CDADC1: variants seen among roughly 807,000 people sequenced by gnomAD.
The protein encoded by CDADC1 is dCTP deaminase.
Under a neutral mutation model 54.9 loss-of-function variants are expected in CDADC1, and 39 were observed. The ratio of observed to expected loss-of-function variants is 0.71; its 90% CI spans 0.55 to 0.93. CDADC1 has a LOEUF of 0.93. Among genes scored for constraint, CDADC1 ranks in the 40% least tolerant of loss-of-function variants. The pLI, the probability that CDADC1 is intolerant of heterozygous loss-of-function variation, is 0.00. For synonymous variants in CDADC1, 186 were observed against 204.0 expected (o/e 0.91, Z 0.75); for missense variants, 518 against 618.8 (o/e 0.84, Z 1.73).
rs1054886480 is a variant in CDADC1, at chr13:49,265,841, A to G, written c.431-1649A>G. ...TTTAGCATTTGCCACTAATACACAA[A>G]TGTCTGTCTAAAGAGGATTTTTCCC... On this transcript the variant is annotated intron_variant, in intron 4 of 9. Transcript: ENST00000251108. 3 of 1,293,926 alleles carry G rather than the reference A, an allele frequency of 2.3e-6. No individual in the cohort carries two copies. In the East Asian group the frequency reaches 1.7e-4, roughly 73 times the overall value. The allele number at this position is 1,293,926 out of a possible 1,614,324, so 80.2% of individuals were successfully genotyped here.
intron 8 of CDADC1, among the ~76,000 whole-genome samples, chr13:49,284,271 G>A (rs1953442406): frequency 6.6e-6 from 1 of 152,046 alleles, no homozygotes; most frequent in Non-Finnish European, 1.5e-5. Context: ...GCTCATTGTA[G>A]AAGACTAGGA....
intron 6 of CDADC1, among the ~76,000 whole-genome samples, chr13:49,276,095 TAA>T (rs1315319866): frequency 6.6e-6 from 1 of 152,184 alleles, no homozygotes; most frequent in African/African-American, 2.4e-5. Flanking sequence ...GGAAGACAGA[TAA>T]ATTAATTTTA....
intron 2 of CDADC1, among the ~76,000 whole-genome samples, chr13:49,255,209 T>G (rs887272034): frequency 2.0e-5 from 3 of 152,212 alleles, no homozygotes; most frequent in Non-Finnish European, 2.9e-5. Context: ...GTCAGGTCTT[T>G]CATGTTGCAT....
At chr13:49,261,465 C>T (rs1263468442) in intron 4 of CDADC1, among the ~76,000 whole-genome samples, 2 of 152,200 alleles carry the variant, frequency 1.3e-5, no homozygotes, top group African/African-American at 4.8e-5. Context: ...AACTGACCTA[C>T]AGTTCCTGTT....
rs117029779 is a variant in CDADC1 at position 49,270,686 on chromosome 13, C to T, written c.1000+2627C>T. On this transcript the variant is annotated intron_variant, in intron 5 of 9. Coordinates refer to ENST00000251108, the MANE Select transcript of CDADC1 (RefSeq NM_030911.4). ...TAACTCAATTTGGGTCAGATTTGGC[C>T]GCAAAATAAGTGCATCAAACTTCAA... Among the ~76,000 whole-genome samples, 1,169 of 152,132 alleles carry T rather than the reference C, an allele frequency of 7.7e-3. 10 individuals carry two copies. Among genetic ancestry groups the T allele is most frequent in the Non-Finnish European group, 0.01 (699 of 68,006 alleles).
chr13:49,255,851 G>A lies in CDADC1; in HGVS notation c.190G>A (p.Gly64Arg). ...TGATTTTTATTAGAAAAATGAAGAG[G>A]GAAAGCATGGACCCTTAGGAGATAA... ...QRQKSQKNEE[G>R]KHGPLGDNEE... Residue 64 changes from glycine (G) to arginine (R), a missense_variant, in exon 3 of 10, where the codon GGA becomes AGA. Coordinates refer to ENST00000251108, the MANE Select transcript of CDADC1 (RefSeq NM_030911.4). 3 of 1,610,466 alleles carry A rather than the reference G, an allele frequency of 1.9e-6. No individual in the cohort carries two copies. The highest frequency in any genetic ancestry group is 2.2e-5 in the East Asian group (1 of 44,728).
At chr13:49,279,366 G>A (rs1474247945) in intron 7 of CDADC1, among the ~76,000 whole-genome samples, 1 of 152,176 alleles carries the variant, frequency 6.6e-6, no homozygotes, top group African/African-American at 2.4e-5. Flanking sequence ...CATCTGAACT[G>A]AGCTTTAAAG....
At chr13:49,252,410 T>A (rs1490180836) in intron 2 of CDADC1, among the ~76,000 whole-genome samples, 1 of 152,242 alleles carries the variant, frequency 6.6e-6, no homozygotes, top group East Asian at 1.9e-4. Context: ...ATTGTTTATA[T>A]GAGAAAAATG....
intron 2 of CDADC1, among the ~76,000 whole-genome samples, chr13:49,250,179 A>G (rs1020366307): frequency 3.3e-5 from 5 of 152,174 alleles, no homozygotes; most frequent in Non-Finnish European, 5.9e-5. Context: ...GAGGTTTCCA[A>G]CTTGCCCATA....
chr13:49,290,583 C>T (rs1206298140), intron 9 of CDADC1, among the ~76,000 whole-genome samples: 2 of 152,034 alleles, frequency 1.3e-5, no homozygotes, highest in East Asian at 1.9e-4. Flanking sequence ...GCAGGAAATC[C>T]CTCAAAAGAT....
intron 4 of CDADC1, among the ~76,000 whole-genome samples, chr13:49,263,833 C>T (rs1033615806): frequency 2.0e-5 from 3 of 152,230 alleles, no homozygotes; most frequent in African/African-American, 7.2e-5. Flanking sequence ...CACATCTATT[C>T]ACTGCTTACA....
intron 2 of CDADC1, among the ~76,000 whole-genome samples, chr13:49,254,848 A>C (rs1952508622): frequency 6.6e-6 from 1 of 152,200 alleles, no homozygotes; most frequent in Non-Finnish European, 1.5e-5. Flanking sequence ...GCAAGGGTTC[A>C]ATAAGTATTT....
intron 7 of CDADC1, 59 bp from the exon 8 acceptor site, chr13:49,280,450 A>T: frequency 1.1e-6 from 1 of 875,708 alleles, no homozygotes; most frequent in Non-Finnish European, 1.6e-6. Context: ...AGATTTTTCT[A>T]AAAAATAACT....
At position 49,291,897 on chromosome 13, in the gene CDADC1, A is replaced by C; in HGVS notation, c.*140A>C. On this transcript the variant is annotated 3_prime_UTR_variant, in exon 10 of 10. Transcript: ENST00000251108. The stretch of plus-strand genomic sequence containing the variant: ...TTAAGGAAGCTAATTTATTTCTAGG[A>C]TACAAATGGTGTTAATAAGAATATT... The C allele has an allele frequency of 1.4e-6, 2 of 1,426,066 alleles. No individual in the cohort carries two copies. Among genetic ancestry groups the C allele is most frequent in the Non-Finnish European group, 1.8e-6 (2 of 1,088,254 alleles). 88.3% of individuals were successfully genotyped at this position (1,426,066 alleles called of 1,614,324 possible). A position where few individuals can be genotyped will look rare whatever the true frequency, so the allele number is the denominator to read the frequency against.
At chr13:49,257,079 A>G (rs1952564055) in intron 3 of CDADC1, among the ~76,000 whole-genome samples, 2 of 152,232 alleles carry the variant, frequency 1.3e-5, no homozygotes, top group African/African-American at 4.8e-5. Context: ...GGTAAATGGA[A>G]GTGCCAAAAT....
At chr13:49,256,035 A>C in intron 3 of CDADC1, 122 bp downstream of exon 3, 2 of 1,368,382 alleles carry the variant, frequency 1.5e-6, no homozygotes. Context: ...CTCTTCTAAA[A>C]ATGGTCTGTA....
intron 7 of CDADC1, among the ~76,000 whole-genome samples, chr13:49,278,939 A>AT (rs1953231455): frequency 6.6e-6 from 1 of 152,226 alleles, no homozygotes; most frequent in African/African-American, 2.4e-5. Flanking sequence ...CCATAAGATT[A>AT]TAACAGAGCT....
chr13:49,265,099 C>T (rs536467236), intron 4 of CDADC1, among the ~76,000 whole-genome samples: 32 of 152,312 alleles, frequency 2.1e-4, no homozygotes, highest in Admixed American at 3.9e-4. Flanking sequence ...ATTATCACTC[C>T]TATAGTACAG....
chr13:49,285,830 T>C (rs78029779), intron 8 of CDADC1, among the ~76,000 whole-genome samples: 1,797 of 145,146 alleles, frequency 0.012, 28 homozygotes, highest in African/African-American at 0.043. Flanking sequence ...TTTTTTTTTT[T>C]CAAGATGGAG....
Sources: gnomAD v4.1 joint callset for allele counts (sites outside exome capture counted in the v4.1 genomes callset) on GRCh38, gnomAD v4.1.1 for gene constraint, MANE v1.5 for transcripts, NCBI Gene and HGNC (gene_info 2026-07-23, HGNC 2026-07-21) for gene names.